LARGE1: variants seen among roughly 807,000 people sequenced by gnomAD.
LARGE1 encodes the protein LARGE xylosyl- and glucuronyltransferase 1, also known as xylosyl- and glucuronyltransferase LARGE1.
In LARGE1, 43 loss-of-function variants were observed where a neutral mutation model predicts 87.6. The ratio of observed to expected loss-of-function variants is 0.49; its 90% confidence interval spans 0.38 to 0.63. The LOEUF is 0.63. Ranked by LOEUF, LARGE1 falls within the 30% of genes least tolerant of loss-of-function variation. LARGE1 has a pLI of 0.00. For missense variants in LARGE1, 802 were observed against 1,000.2 expected, an observed-to-expected ratio of 0.80 and a Z score of 2.67; for synonymous variants, 434 against 394.6, an observed-to-expected ratio of 1.10 and a Z score of -1.18.
intron 11 of LARGE1, among the ~76,000 whole-genome samples, chr22:33,237,600 C>T (rs1165340111): frequency 6.6e-6 from 1 of 151,860 alleles, no homozygotes; most frequent in Non-Finnish European, 1.5e-5. Flanking sequence ...CTGTAACTGG[C>T]AAAAGGGTCT....
chr22:33,073,899 A>G, the LARGE1 span, among the ~76,000 whole-genome samples: 1 of 152,174 alleles, frequency 6.6e-6, no homozygotes, highest in South Asian at 2.1e-4. Flanking sequence ...AGCGACTGTA[A>G]GTAATACCAT....
At chr22:33,644,851 T>A (rs1238010269) in intron 3 of LARGE1, among the ~76,000 whole-genome samples, 1 of 152,054 alleles carries the variant, frequency 6.6e-6, no homozygotes, top group Admixed American at 6.5e-5. Flanking sequence ...ATACAACTTA[T>A]AAGGGTTATG....
At chr22:33,328,252 T>C (rs1399173258) in intron 10 of LARGE1, among the ~76,000 whole-genome samples, 1 of 152,146 alleles carries the variant, frequency 6.6e-6, no homozygotes, top group East Asian at 1.9e-4. Flanking sequence ...ACCAACGTGT[T>C]CTATGAATTC....
chr22:33,527,631 C>T (rs2071978678), intron 6 of LARGE1, among the ~76,000 whole-genome samples: 1 of 152,080 alleles, frequency 6.6e-6, no homozygotes, highest in African/African-American at 2.4e-5. Flanking sequence ...GTCTGAGGTT[C>T]TCTGGCTCCT....
At chr22:33,920,542 C>A (rs1256744846), upstream of LARGE1, 6 of 145,396 alleles carry the variant, frequency 4.1e-5, no homozygotes, top group African/African-American at 1.5e-4. Context: ...GCGCTCTCCC[C>A]CAGGGCCTGC....
intron 2 of LARGE1, 130 bp from the exon 3 acceptor site, chr22:33,650,798 G>A: frequency 9.9e-7 from 1 of 1,007,662 alleles, no homozygotes; most frequent in Non-Finnish European, 1.5e-6. Flanking sequence ...AAAACAGATG[G>A]AAAGTGAGTT....
intron 14 of LARGE1, 56 bp from the exon 15 acceptor site, chr22:33,274,680 T>G (rs1928848557): frequency 6.7e-7 from 1 of 1,487,294 alleles, no homozygotes; most frequent in Admixed American, 1.7e-5. Flanking sequence ...TCATGCATGA[T>G]GAAGGCCCAA....
chr22:33,422,397 C>T (rs1307414685), intron 7 of LARGE1, among the ~76,000 whole-genome samples: 1 of 152,102 alleles, frequency 6.6e-6, no homozygotes, highest in Non-Finnish European at 1.5e-5. Context: ...TGCTCAGCTT[C>T]TGGGGAGGCC....
At chr22:33,331,960 AGCACTACCACTATTTTGGCACTAACC>A (rs1383667626) in intron 10 of LARGE1, among the ~76,000 whole-genome samples, 1 of 152,120 alleles carries the variant, frequency 6.6e-6, no homozygotes, top group Non-Finnish European at 1.5e-5. Context: ...GTGCTCTCAA[AGCACTACCACTATTTTGGCACTAACC>A]GCACTACTTA....
At chr22:33,860,003 A>G (rs1463682708) in intron 1 of LARGE1, among the ~76,000 whole-genome samples, 2 of 152,170 alleles carry the variant, frequency 1.3e-5, no homozygotes, top group Admixed American at 6.5e-5. Flanking sequence ...AGGATGCACA[A>G]TTTCAGTTCT....
At chr22:33,571,242 G>A (rs139755341) in intron 5 of LARGE1, among the ~76,000 whole-genome samples, 117 of 152,286 alleles carry the variant, frequency 7.7e-4, no homozygotes, top group African/African-American at 2.7e-3. Context: ...ATGTAAACTG[G>A]GGGGTTGGGG....
intron 2 of LARGE1, among the ~76,000 whole-genome samples, chr22:33,683,595 T>TA (rs1384787104): frequency 6.6e-6 from 1 of 151,528 alleles, no homozygotes; most frequent in African/African-American, 2.4e-5. Flanking sequence ...TAGGTAGAGA[T>TA]AGAGGAAAAC....
chr22:33,834,641 C>T (rs1015707685), intron 1 of LARGE1, among the ~76,000 whole-genome samples: 1 of 152,234 alleles, frequency 6.6e-6, no homozygotes, highest in Non-Finnish European at 1.5e-5. Flanking sequence ...TTATTGCTCA[C>T]GCAAAGCCTG....
At chr22:33,461,690 T>A (rs2068389162) in intron 6 of LARGE1, among the ~76,000 whole-genome samples, 1 of 140,852 alleles carries the variant, frequency 7.1e-6, no homozygotes. Context: ...AAAGAGAAAT[T>A]ACAAAAAAAA....
chr22:33,752,483 G>A (rs771268406), intron 2 of LARGE1, among the ~76,000 whole-genome samples: 35 of 152,052 alleles, frequency 2.3e-4, no homozygotes, highest in Admixed American at 3.9e-4. Context: ...AAACCTTAAC[G>A]CATCATCAGT....
intron 11 of LARGE1, among the ~76,000 whole-genome samples, chr22:33,309,608 G>T (rs1935339121): frequency 6.6e-6 from 1 of 152,194 alleles, no homozygotes; most frequent in African/African-American, 2.4e-5. Flanking sequence ...TGGACTTCCA[G>T]CCTCCAGCAC....
chr22:33,627,344 T>C (rs560529605), intron 3 of LARGE1, among the ~76,000 whole-genome samples: 1 of 152,288 alleles, frequency 6.6e-6, no homozygotes, highest in South Asian at 2.1e-4. Flanking sequence ...AATGGAGAGT[T>C]CATACTTCCG....
chr22:33,101,144 CT>C, the LARGE1 span, among the ~76,000 whole-genome samples: 317 of 152,292 alleles, frequency 2.1e-3, no homozygotes, highest in Admixed American at 5.0e-3. Flanking sequence ...CATGCTTGGC[CT>C]GCATTAACTT....
chr22:33,254,032 C>T (rs902221548), intron 11 of LARGE1, among the ~76,000 whole-genome samples: 5 of 151,752 alleles, frequency 3.3e-5, no homozygotes, highest in Admixed American at 6.6e-5. Context: ...CAATAAGATG[C>T]GTGGGAATAA....
Sources: allele counts gnomAD v4.1 joint callset (sites outside exome capture counted in the v4.1 genomes callset), GRCh38; gene constraint gnomAD v4.1.1; transcripts MANE v1.5; gene names NCBI Gene and HGNC (gene_info 2026-07-23, HGNC 2026-07-21).